The following FRRS1 variants were observed in gnomAD, a reference collection of about 807,000 sequenced individuals.
FRRS1 encodes the protein ferric reductase 1.
FRRS1 carries 51 observed loss-of-function variants against 70.7 expected under a neutral mutation model. That is an observed-to-expected ratio of 0.72 (90% CI 0.58 to 0.91). The LOEUF (loss-of-function observed/expected upper bound fraction) is 0.91. Ranked by LOEUF, FRRS1 falls within the 40% of genes least tolerant of loss-of-function variation. The pLI, the probability that FRRS1 is intolerant of heterozygous loss-of-function variation, is 0.00. For missense variants in FRRS1, 672 were observed against 726.0 expected (o/e 0.93, Z 0.86); for synonymous variants, 225 against 238.7 (o/e 0.94, Z 0.53).
chr1:99,736,560 A>G (rs12117491), intron 7 of FRRS1, among the ~76,000 whole-genome samples: 65,849 of 140,296 alleles, frequency 0.47, 19,231 homozygotes, highest in African/African-American at 0.84. Context: ...ATAAGTGGGA[A>G]TTGAACAATG....
At position 99,738,362 on chromosome 1, in the gene FRRS1, C is replaced by T. The variant is rs192996116; in HGVS notation, c.577-94G>A. 8 of 806,590 alleles carry T rather than the reference C, an allele frequency of 9.9e-6. No individual in the cohort carries two copies. In the East Asian group the frequency reaches 2.1e-4, roughly 21 times the overall value. 50.0% of individuals were successfully genotyped at this position (806,590 alleles called of 1,614,324 possible). A position where few individuals can be genotyped will look rare whatever the true frequency, so the allele number is the denominator to read the frequency against. ...AATAACTACCTTCAAGTACGGGTAG[C>T]TCCCAAATTAATGAGAATACCTTTC... On this transcript the variant is annotated intron_variant, in intron 6 of 16. Transcript: ENST00000646001.
In FRRS1 at chr1:99,708,881, T is replaced by C; in HGVS notation, c.*147A>G. On this transcript the variant is annotated 3_prime_UTR_variant, in exon 17 of 17. Coordinates refer to ENST00000646001, the MANE Select transcript of FRRS1 (RefSeq NM_001361041.2). ...CTCTTGAATGTTGTTCTCTAAAGGC[T>C]GGACTTCAGAATTCCTCTACAGACA... is the stretch of plus-strand genomic sequence containing the variant. The C allele has an allele frequency of 6.4e-7, 1 of 1,564,224 alleles. No individual in the cohort carries two copies. Among genetic ancestry groups the C allele is most frequent in the Non-Finnish European group, 8.8e-7 (1 of 1,134,996 alleles).
At chr1:99,744,931 C>G (rs1324936954) in intron 4 of FRRS1, among the ~76,000 whole-genome samples, 1 of 130,406 alleles carries the variant, frequency 7.7e-6, no homozygotes, top group Non-Finnish European at 1.6e-5. Context: ...GATCAGGCCA[C>G]TGCACTCCAG....
intron 9 of FRRS1, 133 bp downstream of exon 9, chr1:99,728,360 G>T: frequency 1.3e-6 from 1 of 766,680 alleles, no homozygotes; most frequent in Non-Finnish European, 2.1e-6. Context: ...CCAGTTTCTG[G>T]CAAAATTTGA....
At chr1:99,751,292 C>T (rs958654469) in intron 1 of FRRS1, among the ~76,000 whole-genome samples, 1 of 152,162 alleles carries the variant, frequency 6.6e-6, no homozygotes, top group African/African-American at 2.4e-5. Flanking sequence ...TTTAGGCTTA[C>T]ACTGAACTAC....
intron 1 of FRRS1, among the ~76,000 whole-genome samples, chr1:99,764,003 C>T (rs1657238494): frequency 6.6e-6 from 1 of 152,056 alleles, no homozygotes; most frequent in South Asian, 2.1e-4. Context: ...ACGCTATACC[C>T]AAACTATATA....
chr1:99,750,159 A>C (rs1394732177), intron 1 of FRRS1, among the ~76,000 whole-genome samples: 1 of 152,152 alleles, frequency 6.6e-6, no homozygotes, highest in East Asian at 1.9e-4. Flanking sequence ...TGTTTCACTT[A>C]AGTGGGGGAA....
rs1313371509 is a variant in FRRS1, at chr1:99,762,236, G to C, written c.-106+4371C>G. On this transcript the variant is annotated intron_variant, in intron 1 of 16. Transcript: ENST00000646001. ...ATAAAAAAGTGAGAATGGACTTTTG[G>C]GGGGACTGCTCTCTCCACAGAAACT... is the stretch of plus-strand genomic sequence containing the variant. Among the ~76,000 whole-genome samples, 3 of 152,104 alleles carry C rather than the reference G, an allele frequency of 2.0e-5. No individual in the cohort carries two copies. The East Asian group carries it at 5.8e-4, about 29-fold the overall frequency.
At chr1:99,712,302 T>A in intron 13 of FRRS1, 116 bp downstream of exon 13, 1 of 971,858 alleles carries the variant, frequency 1.0e-6, no homozygotes, top group Non-Finnish European at 1.6e-6. Context: ...TCAAAGTAAC[T>A]ATAATTTATC....
intron 9 of FRRS1, among the ~76,000 whole-genome samples, chr1:99,724,638 C>T (rs1557689507): frequency 6.6e-6 from 1 of 152,148 alleles, no homozygotes; most frequent in Non-Finnish European, 1.5e-5. Flanking sequence ...GGTCCACATA[C>T]ATAAAGCTAA....
Position 99,705,648 on chromosome 1 carries a change from C to A in FRRS1, c.*3380G>T, listed in dbSNP as rs368329265. Among the ~76,000 whole-genome samples, 3 of 152,136 alleles carry A rather than the reference C, an allele frequency of 2.0e-5. No homozygotes were observed. The highest frequency in any genetic ancestry group is 7.2e-5 in the African/African-American group (3 of 41,412). On this transcript the variant is annotated 3_prime_UTR_variant, in exon 17 of 17. Coordinates refer to ENST00000646001, the MANE Select transcript of FRRS1 (RefSeq NM_001361041.2). ...GCTTAACACACATTAGAGACAAAAT[C>A]CTTGACAAAAATAAAGTACTAAAGT...
chr1:99,744,233 G>A (rs556653803), intron 4 of FRRS1, among the ~76,000 whole-genome samples: 22 of 152,128 alleles, frequency 1.4e-4, no homozygotes, highest in Non-Finnish European at 2.5e-4. Flanking sequence ...GATACTTATA[G>A]ACTAATATTA....
At chr1:99,751,385 T>C (rs933388594) in intron 1 of FRRS1, among the ~76,000 whole-genome samples, 9 of 152,064 alleles carry the variant, frequency 5.9e-5, no homozygotes, top group African/African-American at 1.7e-4. Flanking sequence ...TCAATTTCCA[T>C]AATAAATATC....
chr1:99,737,489 T>A (rs1449492869), intron 7 of FRRS1, among the ~76,000 whole-genome samples: 2 of 152,222 alleles, frequency 1.3e-5, no homozygotes, highest in African/African-American at 4.8e-5. Flanking sequence ...CAGAACAACT[T>A]TTCTTAACTG....
chr1:99,729,091 C>G (rs1557692061), intron 8 of FRRS1, among the ~76,000 whole-genome samples: 1 of 152,238 alleles, frequency 6.6e-6, no homozygotes, highest in Non-Finnish European at 1.5e-5. Flanking sequence ...TAAGTAATAG[C>G]TACTGCTCCG....
intron 11 of FRRS1, among the ~76,000 whole-genome samples, chr1:99,716,923 T>C (rs1028828742): frequency 1.8e-4 from 27 of 152,302 alleles, no homozygotes; most frequent in African/African-American, 5.8e-4. Context: ...TTTCCACCCA[T>C]ACAGGAGATA....
At chr1:99,714,740 AGGCT>A (rs1228754147) in intron 12 of FRRS1, among the ~76,000 whole-genome samples, 1 of 152,204 alleles carries the variant, frequency 6.6e-6, no homozygotes, top group Non-Finnish European at 1.5e-5. Flanking sequence ...GATAATTCCA[AGGCT>A]TTGATCTAAC....
intron 1 of FRRS1, among the ~76,000 whole-genome samples, chr1:99,751,945 C>T (rs1656588400): frequency 6.6e-6 from 1 of 152,072 alleles, no homozygotes; most frequent in African/African-American, 2.4e-5. Flanking sequence ...TGCTTACTTT[C>T]GTATGCTTCT....
In FRRS1 at chr1:99,758,720, CAAAAAAAGCCATATTTTTCT is replaced by C. The variant is rs1557709795; in HGVS notation, c.-106+7867_-106+7886del. Among the ~76,000 whole-genome samples, 1,049 of 151,840 alleles carry C rather than the reference CAAAAAAAGCCATATTTTTCT, an allele frequency of 6.9e-3. 17 individuals are homozygous for C. Among genetic ancestry groups the C allele is most frequent in the African/African-American group, 0.024 (1,004 of 41,428 alleles). On this transcript the variant is annotated intron_variant, in intron 1 of 16. Transcript: ENST00000646001. ...AGGTCTGACTGCCTGCGGGGTTGGG[CAAAAAAAGCCATATTTTTCT>C]TCTTGCAGAGAACCTATAAACAGAT...
Sources: gnomAD v4.1 joint callset for allele counts (sites outside exome capture counted in the v4.1 genomes callset) on GRCh38, gnomAD v4.1.1 for gene constraint, MANE v1.5 for transcripts, NCBI Gene and HGNC (gene_info 2026-07-23, HGNC 2026-07-21) for gene names.